Variants in RPTOR observed in about 807,000 individuals in gnomAD.
RPTOR encodes regulatory associated protein of MTOR complex 1.
In RPTOR, 21 loss-of-function variants were observed where a neutral mutation model predicts 169.9. That is an observed-to-expected ratio of 0.12 (90% CI 0.09 to 0.18). The LOEUF (loss-of-function observed/expected upper bound fraction) is 0.18, where lower values mean the gene tolerates loss of function less well. RPTOR is among the 10% of genes least tolerant of loss of function. The pLI is 1.00. For synonymous variants in RPTOR, 732 were observed against 753.2 expected (o/e 0.97, Z 0.46); for missense variants, 1,133 against 1,855.9 (o/e 0.61, Z 7.16).
Position 80,633,445 on chromosome 17 carries a change from C to T in RPTOR, c.265+7652C>T, listed in dbSNP as rs947294372. Among the ~76,000 whole-genome samples the T allele has an allele frequency of 9.2e-5, 14 of 152,228 alleles. No individual in the cohort carries two copies. The highest frequency in any genetic ancestry group is 3.4e-4 in the African/African-American group (14 of 41,456). ...GTTCCACAGGCATTCCGTGACCCTC[C>T]TCACCCTGGCGCTTGAAGGTGGCAG... On this transcript the variant is annotated intron_variant, in intron 2 of 33. Coordinates refer to ENST00000306801, the MANE Select transcript of RPTOR (RefSeq NM_020761.3). The surrounding 1 kb of genome is among the most constrained non-coding windows in gnomAD (Gnocchi z 4.1).
rs183074773 is a variant in RPTOR at position 80,784,178 on chromosome 17, T to C, written c.831-7272T>C. Among the ~76,000 whole-genome samples the C allele has an allele frequency of 2.0e-3, 306 of 151,894 alleles. 2 individuals carry two copies. Among genetic ancestry groups the C allele is most frequent in the Non-Finnish European group, 1.7e-3 (116 of 67,962 alleles). On this transcript the variant is annotated intron_variant, in intron 6 of 33. Coordinates refer to ENST00000306801, the MANE Select transcript of RPTOR (RefSeq NM_020761.3). ...TGTGCTGTCCACGCTGGCCTCACAC[T>C]CGTGTCCTCAAGTGATCCTCCTGCC...
At chr17:80,840,012 G>C (rs1444956270) in intron 10 of RPTOR, among the ~76,000 whole-genome samples, 2 of 152,150 alleles carry the variant, frequency 1.3e-5, no homozygotes, top group African/African-American at 2.4e-5. Context: ...GGTTCCTTTT[G>C]TTTTTAATCT....
intron 30 of RPTOR, 116 bp from the exon 31 acceptor site, chr17:80,961,278 C>T (rs1329912702): frequency 5.4e-6 from 5 of 931,140 alleles, no homozygotes; most frequent in Non-Finnish European, 7.9e-6. Flanking sequence ...AGCGGACGGG[C>T]GAGGGCCTGC....
chr17:80,773,879 C>T (rs556583007), intron 6 of RPTOR: 10 of 985,252 alleles, frequency 1.0e-5, no homozygotes, highest in African/African-American at 1.7e-5. Context: ...CTCCCTCAGA[C>T]GTCGACCGCT....
chr17:80,792,306 G>T (rs2067056549), intron 7 of RPTOR, among the ~76,000 whole-genome samples: 1 of 152,106 alleles, frequency 6.6e-6, no homozygotes, highest in Non-Finnish European at 1.5e-5. Flanking sequence ...TAATATTAGG[G>T]CCTGAATTTA....
At chr17:80,683,041 A>T (rs908868568) in intron 3 of RPTOR, among the ~76,000 whole-genome samples, 8 of 152,190 alleles carry the variant, frequency 5.3e-5, no homozygotes, top group African/African-American at 1.9e-4. Context: ...GAACCAAGCC[A>T]TCCTCCTGCC....
At chr17:80,766,002 A>C (rs2066783252) in intron 6 of RPTOR, among the ~76,000 whole-genome samples, 1 of 152,216 alleles carries the variant, frequency 6.6e-6, no homozygotes, top group African/African-American at 2.4e-5. Context: ...GAACATTTGT[A>C]ATTATCTGTT....
At chr17:80,713,436 G>A (rs1470686633) in intron 4 of RPTOR, among the ~76,000 whole-genome samples, 3 of 152,210 alleles carry the variant, frequency 2.0e-5, no homozygotes, top group East Asian at 3.9e-4. Flanking sequence ...GTGGATGTTC[G>A]CTTTTTGACG....
At chr17:80,681,375 G>A (rs949628111) in intron 3 of RPTOR, among the ~76,000 whole-genome samples, 4 of 152,130 alleles carry the variant, frequency 2.6e-5, no homozygotes, top group Admixed American at 6.5e-5. Context: ...CTCTCGTTCC[G>A]TCCTCACACT....
intron 7 of RPTOR, among the ~76,000 whole-genome samples, chr17:80,811,678 G>T (rs2067274137): frequency 1.3e-5 from 2 of 149,976 alleles, no homozygotes; most frequent in African/African-American, 4.9e-5. Context: ...ACGGGACACA[G>T]CCACGCCCTC....
intron 1 of RPTOR, among the ~76,000 whole-genome samples, chr17:80,621,858 CT>C (rs2065356850): frequency 6.6e-6 from 1 of 152,218 alleles, no homozygotes; most frequent in East Asian, 1.9e-4. Context: ...CTCTGCCCAC[CT>C]TTTCCTGGGG....
At chr17:80,597,958 A>G (rs150929844) in intron 1 of RPTOR, among the ~76,000 whole-genome samples, 1 of 152,224 alleles carries the variant, frequency 6.6e-6, no homozygotes, top group African/African-American at 2.4e-5. Context: ...TGGGCCACAT[A>G]GTGAAATGCC....
intron 3 of RPTOR, among the ~76,000 whole-genome samples, chr17:80,658,651 C>T (rs2065697603): frequency 6.6e-6 from 1 of 152,164 alleles, no homozygotes; most frequent in South Asian, 2.1e-4. Flanking sequence ...ATTCTGTCTC[C>T]CCTGCTGACG....
At chr17:80,794,072 A>G (rs1321026235) in intron 7 of RPTOR, among the ~76,000 whole-genome samples, 2 of 152,234 alleles carry the variant, frequency 1.3e-5, no homozygotes, top group Non-Finnish European at 2.9e-5. Context: ...ATGATTCACA[A>G]AAGAAAAAAA....
intron 3 of RPTOR, among the ~76,000 whole-genome samples, chr17:80,676,688 AG>A (rs1252818038): frequency 1.3e-5 from 2 of 152,230 alleles, no homozygotes; most frequent in African/African-American, 4.8e-5. Context: ...GTAAAGTAGC[AG>A]GGTGGCTGCT....
At chr17:80,827,957 T>C (rs1038865877) in intron 9 of RPTOR, among the ~76,000 whole-genome samples, 2 of 152,236 alleles carry the variant, frequency 1.3e-5, no homozygotes, top group Non-Finnish European at 2.9e-5. Context: ...GGCCAGGCTG[T>C]GGCTCTAGCC....
intron 18 of RPTOR, 99 bp from the exon 19 acceptor site, chr17:80,892,630 C>T (rs1340650462): frequency 7.5e-7 from 1 of 1,336,654 alleles, no homozygotes; most frequent in Non-Finnish European, 1.1e-6. Flanking sequence ...GCACAGGTAG[C>T]AGCTGCCGTC....
chr17:80,927,638 A>ATGTG (rs374900395), intron 24 of RPTOR, among the ~76,000 whole-genome samples: 1 of 136,544 alleles, frequency 7.3e-6, no homozygotes, highest in African/African-American at 2.8e-5. Context: ...GTCTGTCTCT[A>ATGTG]TGTGTGTGTG....
intron 21 of RPTOR, 31 bp from the exon 22 acceptor site, chr17:80,922,693 G>T: frequency 6.5e-7 from 1 of 1,536,360 alleles, no homozygotes. Flanking sequence ...CGTCCCGTCT[G>T]ACCTTCACAC....
Sources: allele counts gnomAD v4.1 joint callset (sites outside exome capture counted in the v4.1 genomes callset), GRCh38; gene constraint gnomAD v4.1.1; non-coding constraint Gnocchi (gnomAD v3.1); transcripts MANE v1.5; gene names NCBI Gene and HGNC (gene_info 2026-07-23, HGNC 2026-07-21).